The following ZMIZ2 variants were observed in gnomAD, a reference collection of about 807,000 sequenced individuals.
The protein encoded by ZMIZ2 is zinc finger MIZ domain-containing protein 2.
In ZMIZ2, 26 loss-of-function variants were observed where a neutral mutation model predicts 93.9. The observed-to-expected ratio is 0.28, with a 90% CI of 0.20 to 0.38. The LOEUF (loss-of-function observed/expected upper bound fraction) is 0.38, where lower values mean the gene tolerates loss of function less well. ZMIZ2 is among the 10% of genes least tolerant of loss of function. The pLI is 1.00. For synonymous variants in ZMIZ2, 485 were observed against 516.4 expected, an observed-to-expected ratio of 0.94 and a Z score of 0.82; for missense variants, 1,023 against 1,235.0, an observed-to-expected ratio of 0.83 and a Z score of 2.57.
rs1791776550 is a variant in ZMIZ2, at chr7:44,766,973, G to A, written c.2655+310G>A. 6.6e-6 allele frequency among the ~76,000 whole-genome samples: 1 copy of A among 152,168 alleles called. No homozygotes were observed. The highest frequency in any genetic ancestry group is 2.4e-5 in the African/African-American group (1 of 41,426). On this transcript the variant is annotated intron_variant, in intron 18 of 18. Coordinates refer to ENST00000309315, the MANE Select transcript of ZMIZ2 (RefSeq NM_031449.4). This position sits in a 1 kb window ranked among gnomAD's most constrained non-coding sequence, Gnocchi z 4.4. ...ATTTCGTCTGTCCATTTGCTCAGTAGCCCTGGGTCTTGACTCACAGGTGGA... is the reference window on the plus strand; with the variant it reads ...ATTTCGTCTGTCCATTTGCTCAGTAACCCTGGGTCTTGACTCACAGGTGGA...
rs1791404624 is a variant in ZMIZ2 at position 44,763,502 on chromosome 7, G to A, written c.1860+89G>A. 7 of 1,522,020 alleles carry A rather than the reference G, an allele frequency of 4.6e-6. No individual in the cohort carries two copies. Among genetic ancestry groups the A allele is most frequent in the African/African-American group, 1.4e-5 (1 of 73,252 alleles). The allele number at this position is 1,522,020 out of a possible 1,614,324, so 94.3% of individuals were successfully genotyped here. ...TCAGTGTCATTCTCTGGACAGACGT[G>A]AACTCCGAGTGCCTTGGCTGTCAGG... On this transcript the variant is annotated intron_variant, in intron 13 of 18. Coordinates refer to ENST00000309315, the MANE Select transcript of ZMIZ2 (RefSeq NM_031449.4). The surrounding 1 kb of genome is among the most constrained non-coding windows in gnomAD (Gnocchi z 5.6).
chr7:44,762,243 C>T (rs1305995845), intron 11 of ZMIZ2, among the ~76,000 whole-genome samples: 3 of 152,220 alleles, frequency 2.0e-5, no homozygotes, highest in Non-Finnish European at 2.9e-5. Flanking sequence ...TTTAAGAAAG[C>T]GATCCAGTAA....
chr7:44,756,692 T>G, intron 3 of ZMIZ2, 153 bp downstream of exon 3: 1 of 825,970 alleles, frequency 1.2e-6, no homozygotes, highest in Non-Finnish European at 1.9e-6. Flanking sequence ...GCCTCCTGAG[T>G]CCCCTAAGTC....
At chr7:44,748,728 C>G (rs964754084), upstream of ZMIZ2, 24 of 150,622 alleles carry the variant, frequency 1.6e-4, no homozygotes, top group African/African-American at 5.8e-4. Context: ...CTTTGGGCCG[C>G]TCGGGCTCGC....
Position 44,761,514 on chromosome 7 carries a change from T to C in ZMIZ2, c.1306T>C (p.Phe436Leu). 6.2e-7 allele frequency: 1 copy of C among 1,614,122 alleles called. No individual in the cohort carries two copies. Among genetic ancestry groups the C allele is most frequent in the Non-Finnish European group, 8.5e-7 (1 of 1,180,032 alleles). Residue 436 changes from phenylalanine (F) to leucine (L), a missense_variant, in exon 10 of 19, where the codon TTC becomes CTC. Transcript: ENST00000309315. This position sits in a 1 kb window ranked among gnomAD's most constrained non-coding sequence, Gnocchi z 5.8. ...PVRDGVVLEPFRLQHNLAVSN... is the reference protein window; with the variant it reads ...PVRDGVVLEPLRLQHNLAVSN... ...GCGCGATGGGGTGGTCCTGGAGCCC[T>C]TCCGCCTGCAGCACAACCTGGCTGT...
At chr7:44,759,093 A>AAC (rs1301508174) in intron 6 of ZMIZ2, among the ~76,000 whole-genome samples, 188 bp from the exon 7 acceptor site, 4 of 147,086 alleles carry the variant, frequency 2.7e-5, no homozygotes, top group African/African-American at 9.9e-5. Context: ...TTAAAAAAAA[A>AAC]AAAAAAAAAA....
chr7:44,766,796 GC>G lies in ZMIZ2; in HGVS notation c.2655+134del. 7.1e-7 allele frequency: 1 copy of G among 1,415,808 alleles called. No individual in the cohort carries two copies. Among genetic ancestry groups the G allele is most frequent in the East Asian group, 2.4e-5 (1 of 42,184 alleles). 87.7% of individuals were successfully genotyped at this position (1,415,808 alleles called of 1,614,324 possible). The stretch of plus-strand genomic sequence containing the variant: ...GGTCAGATAAGGTCAACTAAATGCA[GC>G]TTTTGTTCATGAATTAGATACCTGG... On this transcript the variant is annotated intron_variant, in intron 18 of 18. Coordinates refer to ENST00000309315, the MANE Select transcript of ZMIZ2 (RefSeq NM_031449.4). The surrounding 1 kb of genome is among the most constrained non-coding windows in gnomAD (Gnocchi z 4.4).
chr7:44,763,194 C>T lies in ZMIZ2; in HGVS notation c.1703-62C>T. 6.3e-7 allele frequency: 1 copy of T among 1,585,470 alleles called. No homozygotes were observed. The highest frequency in any genetic ancestry group is 1.7e-5 in the Admixed American group (1 of 58,456). ...ACTGGGTCCCTGCCTCGTTGGCATC[C>T]CCATTCACACCTCCCCATCTTGGGG... On this transcript the variant is annotated intron_variant, in intron 12 of 18. Coordinates refer to ENST00000309315, the MANE Select transcript of ZMIZ2 (RefSeq NM_031449.4). This position sits in a 1 kb window ranked among gnomAD's most constrained non-coding sequence, Gnocchi z 5.6.
chr7:44,760,985 ATGT>A (rs1412443846), intron 9 of ZMIZ2, among the ~76,000 whole-genome samples: 3 of 152,002 alleles, frequency 2.0e-5, no homozygotes, highest in Non-Finnish European at 4.4e-5. Flanking sequence ...TGTGCACAAA[ATGT>A]TGTATATAAT....
Position 44,761,619 on chromosome 7 carries a change from A to AC in ZMIZ2, c.1385+31dup. 2 of 1,612,478 alleles carry AC rather than the reference A, an allele frequency of 1.2e-6. No homozygotes were observed. Among genetic ancestry groups the AC allele is most frequent in the Non-Finnish European group, 1.7e-6 (2 of 1,179,372 alleles). On this transcript the variant is annotated intron_variant, in intron 10 of 18. Transcript: ENST00000309315. The surrounding 1 kb of genome is among the most constrained non-coding windows in gnomAD (Gnocchi z 5.8). Reference sequence around the variant, plus strand: ...GTGAGCTCCGCCTGGCCCCCACCTGACCCCCACGAGGCTCTGTTCCTCCTC... The same window carrying AC: ...GTGAGCTCCGCCTGGCCCCCACCTGACCCCCCACGAGGCTCTGTTCCTCCTC...
At position 44,765,843 on chromosome 7, in the gene ZMIZ2, C is replaced by T. The variant is rs1791657197; in HGVS notation, c.2242+264C>T. 2.6e-6 allele frequency: 3 copies of T among 1,140,322 alleles called. No homozygotes were observed. Among genetic ancestry groups the T allele is most frequent in the Non-Finnish European group, 3.6e-6 (3 of 837,122 alleles). 70.6% of individuals were successfully genotyped at this position (1,140,322 alleles called of 1,614,324 possible). A position where few individuals can be genotyped will look rare whatever the true frequency, so the allele number is the denominator to read the frequency against. On this transcript the variant is annotated intron_variant, in intron 16 of 18. Transcript: ENST00000309315. This position sits in a 1 kb window ranked among gnomAD's most constrained non-coding sequence, Gnocchi z 4.1. ...CTTCCCCGTTTGGATTAAGGGGCTC[C>T]TGGCTGGAACACCTCACAGGACTGG...
Position 44,765,852 on chromosome 7 carries a change from A to G in ZMIZ2, c.2242+273A>G, listed in dbSNP as rs1368864791. On this transcript the variant is annotated intron_variant, in intron 16 of 18. Coordinates refer to ENST00000309315, the MANE Select transcript of ZMIZ2 (RefSeq NM_031449.4). This position sits in a 1 kb window ranked among gnomAD's most constrained non-coding sequence, Gnocchi z 4.1. ...TTGGATTAAGGGGCTCCTGGCTGGAACACCTCACAGGACTGGCCCCATCTG... is the reference window on the plus strand; with the variant it reads ...TTGGATTAAGGGGCTCCTGGCTGGAGCACCTCACAGGACTGGCCCCATCTG... 1 of 1,159,166 alleles carries G rather than the reference A, an allele frequency of 8.6e-7. No individual in the cohort carries two copies. Among genetic ancestry groups the G allele is most frequent in the Non-Finnish European group, 1.2e-6 (1 of 856,692 alleles). The allele number at this position is 1,159,166 out of a possible 1,614,324, so 71.8% of individuals were successfully genotyped here. A position where few individuals can be genotyped will look rare whatever the true frequency, so the allele number is the denominator to read the frequency against.
At chr7:44,767,381 G>A (rs1475887310) in intron 18 of ZMIZ2, 135 bp from the exon 19 acceptor site, 6 of 785,454 alleles carry the variant, frequency 7.6e-6, no homozygotes, top group South Asian at 3.3e-5. Context: ...CCCCGCACCC[G>A]GCCTGTGTGT....
intron 1 of ZMIZ2, among the ~76,000 whole-genome samples, chr7:44,755,683 C>T (rs980336411): frequency 6.6e-6 from 1 of 152,166 alleles, no homozygotes; most frequent in Non-Finnish European, 1.5e-5. Context: ...CCTCCAGAAC[C>T]GCCTATGCCC....
chr7:44,762,244 G>T (rs979734506), intron 11 of ZMIZ2, among the ~76,000 whole-genome samples: 1 of 152,240 alleles, frequency 6.6e-6, no homozygotes, highest in Non-Finnish European at 1.5e-5. Context: ...TTAAGAAAGC[G>T]ATCCAGTAAT....
Position 44,765,390 on chromosome 7 carries a change from G to T in ZMIZ2, c.2053G>T (p.Val685Leu). The change falls in exon 16 of 19, where the codon GTG becomes TTG. Residue 685 changes from valine (V) to leucine (L), a missense_variant. By Grantham distance (32) the Val-to-Leu change is conservative (BLOSUM62 1). This residue lies in a region of ZMIZ2 where 319 missense variants were observed against 358.8 expected (regional missense o/e 0.89). Transcript: ENST00000309315. The surrounding 1 kb of genome is among the most constrained non-coding windows in gnomAD (Gnocchi z 4.1). ...CACGTGCAGCTGGAAGCCAGTGCCC[G>T]TGAAGCCTGACATGCACATCAAGGA... Reference protein sequence around the residue: ...DPTCSWKPVPVKPDMHIKEEP... With the variant: ...DPTCSWKPVPLKPDMHIKEEP... 1 of 1,613,164 alleles carries T rather than the reference G, an allele frequency of 6.2e-7. No homozygotes were observed. Among genetic ancestry groups the T allele is most frequent in the Non-Finnish European group, 8.5e-7 (1 of 1,180,010 alleles).
chr7:44,756,216 T>C lies in ZMIZ2; in HGVS notation c.-34T>C, dbSNP rs766506291. 9 of 1,613,952 alleles carry C rather than the reference T, an allele frequency of 5.6e-6. No individual in the cohort carries two copies. The highest frequency in any genetic ancestry group is 1.1e-5 in the South Asian group (1 of 91,088). Reference sequence around the variant, plus strand: ...GAGCAGCTGAGTTCCAGATAAAAACTGTCAGACCCGGCCTGTAGGCTGCTC... The same window carrying C: ...GAGCAGCTGAGTTCCAGATAAAAACCGTCAGACCCGGCCTGTAGGCTGCTC... On this transcript the variant is annotated 5_prime_UTR_variant, in exon 2 of 19. Coordinates refer to ENST00000309315, the MANE Select transcript of ZMIZ2 (RefSeq NM_031449.4).
Position 44,766,530 on chromosome 7 carries a change from C to T in ZMIZ2, c.2522C>T (p.Pro841Leu), listed in dbSNP as rs1172691751. The part of the protein sequence containing the change: ...PGPQLHHSNP[P>L]PASRQSLGQA... ...CCCCAGCTGCACCATTCAAACCCTC[C>T]CCCAGCGTCCCGGCAGTCCTTGGGC... is the stretch of plus-strand genomic sequence containing the variant. The change falls in exon 18 of 19, where the codon CCC (proline) becomes CTC (leucine). Residue 841 changes from proline (P) to leucine (L), a missense_variant. Coordinates refer to ENST00000309315, the MANE Select transcript of ZMIZ2 (RefSeq NM_031449.4). This position sits in a 1 kb window ranked among gnomAD's most constrained non-coding sequence, Gnocchi z 4.4. 1.5e-5 allele frequency: 25 copies of T among 1,614,016 alleles called. No homozygotes were observed. Among genetic ancestry groups the T allele is most frequent in the Admixed American group, 3.3e-5 (2 of 60,010 alleles).
chr7:44,762,028 A>AGCGGAGCCAGGACATGG, intron 11 of ZMIZ2, 123 bp downstream of exon 11: 4 of 1,270,318 alleles, frequency 3.1e-6, no homozygotes, highest in Non-Finnish European at 4.1e-6. Flanking sequence ...GCGCAGTGGG[A>AGCGGAGCCAGGACATGG]GCGGAGCCAG....
Sources: gnomAD v4.1 joint callset for allele counts (sites outside exome capture counted in the v4.1 genomes callset) on GRCh38, gnomAD v4.1.1 for gene constraint, gnomAD v4.1.1 regional missense constraint, Gnocchi (gnomAD v3.1) non-coding constraint, MANE v1.5 for transcripts, NCBI Gene and HGNC (gene_info 2026-07-23, HGNC 2026-07-21) for gene names.